GPC3: variants seen among roughly 807,000 people sequenced by gnomAD.
The protein encoded by GPC3 is glypican-3.
Under a neutral mutation model 34.4 loss-of-function variants are expected in GPC3, and 3 were observed. The ratio of observed to expected loss-of-function variants is 0.09; its 90% confidence interval spans 0.04 to 0.23. The LOEUF is 0.23. Among genes scored for constraint, GPC3 ranks in the 10% least tolerant of loss-of-function variants. The pLI, the probability that GPC3 is intolerant of heterozygous loss-of-function variation, is 1.00. For synonymous variants in GPC3, 177 were observed against 174.0 expected (o/e 1.02, Z -0.13); for missense variants, 351 against 445.6 (o/e 0.79, Z 1.91).
At chrX:133,670,269 A>G (rs1261565472) in intron 5 of GPC3, among the ~76,000 whole-genome samples, 1 of 111,858 alleles carries the variant, frequency 8.9e-6, no homozygotes, top group Non-Finnish European at 1.9e-5. Flanking sequence ...TAGAGGAAGA[A>G]TCTGATACCC....
chrX:133,581,001 G>A (rs767378667), intron 7 of GPC3, among the ~76,000 whole-genome samples: 1 of 112,149 alleles, frequency 8.9e-6, no homozygotes, highest in South Asian at 3.7e-4. Flanking sequence ...AGTTCCACTC[G>A]AACTCTATGA....
At chrX:133,625,385 T>C (rs2070288418) in intron 6 of GPC3, among the ~76,000 whole-genome samples, 1 of 112,051 alleles carries the variant, frequency 8.9e-6, no homozygotes, top group Non-Finnish European at 1.9e-5. Flanking sequence ...TGCCCCTGTT[T>C]GCAGATGACA....
chrX:133,733,755 T>TA (rs971234792), intron 3 of GPC3, among the ~76,000 whole-genome samples: 4 of 110,860 alleles, frequency 3.6e-5, no homozygotes, highest in African/African-American at 9.8e-5. Context: ...AAGAGAATAT[T>TA]AAAAAAAACT....
At chrX:133,844,854 C>T (rs899188298) in intron 2 of GPC3, among the ~76,000 whole-genome samples, 1 of 111,611 alleles carries the variant, frequency 9.0e-6, no homozygotes, top group Non-Finnish European at 1.9e-5. Flanking sequence ...AGACCACATG[C>T]CCCTACCATG....
At chrX:133,625,117 G>A (rs918299516) in intron 6 of GPC3, among the ~76,000 whole-genome samples, 28 of 111,262 alleles carry the variant, frequency 2.5e-4, no homozygotes, top group African/African-American at 8.2e-4. Flanking sequence ...ATTCAACAAC[G>A]CTTCATGCTA....
chrX:133,945,854 A>G (rs1468790904), intron 2 of GPC3, among the ~76,000 whole-genome samples: 1 of 112,272 alleles, frequency 8.9e-6, no homozygotes, highest in African/African-American at 3.2e-5. Flanking sequence ...CTCTCACAGA[A>G]GAGCCATAGG....
intron 2 of GPC3, among the ~76,000 whole-genome samples, chrX:133,855,751 T>G (rs2075898123): frequency 9.0e-6 from 1 of 110,690 alleles, no homozygotes; most frequent in Non-Finnish European, 1.9e-5. Context: ...TTGTATCCTC[T>G]GACCTACATC....
At chrX:133,700,199 G>A (rs1395443279) in intron 3 of GPC3, among the ~76,000 whole-genome samples, 171 bp from the exon 4 acceptor site, 1 of 112,114 alleles carries the variant, frequency 8.9e-6, no homozygotes, top group Non-Finnish European at 1.9e-5. Flanking sequence ...CTGGTGGAAA[G>A]AAGGCTGGAG....
intron 7 of GPC3, among the ~76,000 whole-genome samples, chrX:133,566,533 G>A (rs948489457): frequency 9.0e-6 from 1 of 111,677 alleles, no homozygotes; most frequent in African/African-American, 3.3e-5. Context: ...ATTAATACTT[G>A]CCTCTCCACC....
chrX:133,741,431 G>C (rs2071564046), intron 3 of GPC3, among the ~76,000 whole-genome samples: 1 of 111,759 alleles, frequency 8.9e-6, no homozygotes, highest in African/African-American at 3.3e-5. Flanking sequence ...AACTGAAAGA[G>C]TAGGCAAGAA....
At chrX:133,815,068 T>C (rs1470981977) in intron 2 of GPC3, among the ~76,000 whole-genome samples, 2 of 110,871 alleles carry the variant, frequency 1.8e-5, no homozygotes, top group Non-Finnish European at 3.8e-5. Context: ...TTTTATAATT[T>C]CCAATGGGGA....
At chrX:133,801,983 GA>G (rs1049288495) in intron 2 of GPC3, among the ~76,000 whole-genome samples, 4 of 111,466 alleles carry the variant, frequency 3.6e-5, no homozygotes, top group African/African-American at 1.3e-4. Context: ...GCCTGGGGAA[GA>G]AAAAAACAAA....
intron 7 of GPC3, among the ~76,000 whole-genome samples, chrX:133,575,575 C>A (rs2069671668): frequency 8.9e-6 from 1 of 111,893 alleles, no homozygotes; most frequent in Admixed American, 9.5e-5. Context: ...GACCGAAGAA[C>A]AGCACATGGG....
chrX:133,914,874 C>T (rs1414220236), intron 2 of GPC3, among the ~76,000 whole-genome samples: 1 of 92,370 alleles, frequency 1.1e-5, no homozygotes, highest in Non-Finnish European at 2.1e-5. Context: ...ACTCTTAGCC[C>T]ACCATGCCAA....
At chrX:133,853,923 A>G (rs903095681) in intron 2 of GPC3, among the ~76,000 whole-genome samples, 2 of 112,019 alleles carry the variant, frequency 1.8e-5, no homozygotes, top group African/African-American at 3.2e-5. Context: ...AACCTTAGAC[A>G]AGTCAGTTCA....
chrX:133,883,832 A>G (rs1267908820), intron 2 of GPC3, among the ~76,000 whole-genome samples: 2 of 112,240 alleles, frequency 1.8e-5, no homozygotes, highest in African/African-American at 6.5e-5. Context: ...CAACCGTAAT[A>G]TACTAACTGC....
intron 3 of GPC3, among the ~76,000 whole-genome samples, chrX:133,701,125 T>A (rs903315930): frequency 3.6e-5 from 4 of 111,607 alleles, no homozygotes; most frequent in African/African-American, 6.5e-5. Flanking sequence ...ATACTTTTTT[T>A]AAAATGGCAT....
At chrX:133,787,362 G>A (rs759320239) in intron 2 of GPC3, among the ~76,000 whole-genome samples, 1 of 112,320 alleles carries the variant, frequency 8.9e-6, no homozygotes, top group Non-Finnish European at 1.9e-5. Context: ...GGTTCTGGTG[G>A]GCCTATGCCA....
At chrX:133,730,661 A>G (rs1324653728) in intron 3 of GPC3, among the ~76,000 whole-genome samples, 1 of 111,977 alleles carries the variant, frequency 8.9e-6, no homozygotes, top group Non-Finnish European at 1.9e-5. Context: ...TGTTGCATCT[A>G]TTGTGATTTC....
Sources: allele counts gnomAD v4.1 joint callset (sites outside exome capture counted in the v4.1 genomes callset), GRCh38; gene constraint gnomAD v4.1.1; transcripts MANE v1.5; gene names NCBI Gene and HGNC (gene_info 2026-07-23, HGNC 2026-07-21).